TTC29: variants seen among roughly 807,000 people sequenced by gnomAD.
TTC29 encodes tetratricopeptide repeat protein 29.
TTC29 carries 49 observed loss-of-function variants against 58.1 expected under a neutral mutation model. The ratio of observed to expected loss-of-function variants is 0.84; its 90% confidence interval spans 0.67 to 1.07. The LOEUF (loss-of-function observed/expected upper bound fraction) is 1.07, where lower values mean the gene tolerates loss of function less well. TTC29 is among the 50% of genes least tolerant of loss of function. The probability of loss-of-function intolerance (pLI) is 0.00; values close to 1 mark genes in which losing one functional copy is unlikely to be tolerated. For missense variants in TTC29, 582 were observed against 555.6 expected, an observed-to-expected ratio of 1.05 and a Z score of -0.48; for synonymous variants, 209 against 196.8, an observed-to-expected ratio of 1.06 and a Z score of -0.52.
intron 6 of TTC29, among the ~76,000 whole-genome samples, chr4:146,889,024 A>G (rs1293034631): frequency 6.6e-6 from 1 of 152,218 alleles, no homozygotes; most frequent in South Asian, 2.1e-4. Context: ...GTGATGCTCA[A>G]ATGTCATTTT....
rs1283192665 is a variant in TTC29 at position 146,903,716 on chromosome 4, A to G, written c.414T>C (p.Asp138=). Residue 138 remains aspartate, a synonymous_variant, in exon 6 of 13, where the codon GAT becomes GAC. Coordinates refer to ENST00000325106, the MANE Select transcript of TTC29 (RefSeq NM_031956.4). ...CCAGAGCATACAAGTTATTATGTACATCTTCGAAGGATTCTTCAAAGAGAG... is the reference window on the plus strand; with the variant it reads ...CCAGAGCATACAAGTTATTATGTACGTCTTCGAAGGATTCTTCAAAGAGAG... ...EDAERKESFE[D]VHNNLYALAC... is the part of the protein sequence containing the mutation. 1 of 1,577,694 alleles carries G rather than the reference A, an allele frequency of 6.3e-7. No homozygotes were observed. Among genetic ancestry groups the G allele is most frequent in the Non-Finnish European group, 8.6e-7 (1 of 1,163,348 alleles).
At chr4:146,771,742 G>A (rs552942190) in intron 11 of TTC29, among the ~76,000 whole-genome samples, 7 of 152,074 alleles carry the variant, frequency 4.6e-5, no homozygotes, top group Non-Finnish European at 8.8e-5. Context: ...GTGTCTTTAC[G>A]TAGAACAATT....
intron 6 of TTC29, among the ~76,000 whole-genome samples, chr4:146,893,372 T>C (rs1424566570): frequency 6.6e-6 from 1 of 152,038 alleles, no homozygotes; most frequent in Non-Finnish European, 1.5e-5. Flanking sequence ...TCAAAAATAA[T>C]GCCATGTATC....
At chr4:146,806,633 G>A (rs1298599513) in intron 10 of TTC29, among the ~76,000 whole-genome samples, 5 of 148,198 alleles carry the variant, frequency 3.4e-5, no homozygotes, top group African/African-American at 5.0e-5. Context: ...AAAAAAAAAA[G>A]ACAAAGAAGG....
intron 11 of TTC29, among the ~76,000 whole-genome samples, chr4:146,741,846 T>A (rs1042219114): frequency 6.6e-6 from 1 of 152,212 alleles, no homozygotes; most frequent in Non-Finnish European, 1.5e-5. Flanking sequence ...CATGGGAAGC[T>A]TCTCCTAAGT....
intron 11 of TTC29, among the ~76,000 whole-genome samples, chr4:146,770,996 C>T (rs1747684110): frequency 6.6e-6 from 1 of 152,030 alleles, no homozygotes; most frequent in African/African-American, 2.4e-5. Flanking sequence ...TCATTATTTT[C>T]TATTAGTTCT....
chr4:146,858,825 G>A (rs867241689), intron 8 of TTC29, among the ~76,000 whole-genome samples: 21 of 152,152 alleles, frequency 1.4e-4, no homozygotes, highest in Admixed American at 9.8e-4. Flanking sequence ...CACATGGTGA[G>A]GTGGTAGCAG....
chr4:146,756,077 A>G (rs1332024299), intron 11 of TTC29, among the ~76,000 whole-genome samples: 1 of 152,134 alleles, frequency 6.6e-6, no homozygotes, highest in Admixed American at 6.6e-5. Context: ...GATCGAGACC[A>G]TACTGGCTAA....
At chr4:146,934,439 T>C (rs751215922) in intron 4 of TTC29, 1 of 152,058 alleles carries the variant, frequency 6.6e-6, no homozygotes, top group Non-Finnish European at 1.5e-5. Context: ...AAGAGTCCAG[T>C]TTTGGGTTAT....
intron 6 of TTC29, among the ~76,000 whole-genome samples, chr4:146,882,935 G>GCT (rs147962759): frequency 0.069 from 10,337 of 150,150 alleles, 1,166 homozygotes; most frequent in African/African-American, 0.24. Context: ...ACTAGCTGCT[G>GCT]CTCTCTCTCT....
chr4:146,791,356 T>C (rs1053280652), intron 11 of TTC29, among the ~76,000 whole-genome samples: 7 of 152,178 alleles, frequency 4.6e-5, no homozygotes, highest in African/African-American at 1.7e-4. Flanking sequence ...AAACTTACTA[T>C]TAATATTATT....
intron 8 of TTC29, among the ~76,000 whole-genome samples, chr4:146,863,416 C>T (rs1256883894): frequency 6.6e-6 from 1 of 152,148 alleles, no homozygotes; most frequent in Non-Finnish European, 1.5e-5. Context: ...TAGGAAATCT[C>T]ATCCACTCCA....
At chr4:146,790,319 G>T (rs1450073716) in intron 11 of TTC29, among the ~76,000 whole-genome samples, 1 of 151,848 alleles carries the variant, frequency 6.6e-6, no homozygotes, top group Non-Finnish European at 1.5e-5. Flanking sequence ...CTCCTAAGTA[G>T]CTGGGACTAC....
chr4:146,858,775 C>T (rs1730040123), intron 8 of TTC29, among the ~76,000 whole-genome samples: 1 of 152,150 alleles, frequency 6.6e-6, no homozygotes, highest in African/African-American at 2.4e-5. Flanking sequence ...GAAGAGGAAA[C>T]TAATGTTCAG....
intron 11 of TTC29, among the ~76,000 whole-genome samples, chr4:146,717,336 C>T (rs542272726): frequency 5.3e-5 from 8 of 152,142 alleles, no homozygotes; most frequent in South Asian, 2.1e-4. Context: ...TGAAGTACAG[C>T]GGCACAATCT....
intron 6 of TTC29, among the ~76,000 whole-genome samples, chr4:146,888,081 A>G (rs1732109069): frequency 6.6e-6 from 1 of 152,150 alleles, no homozygotes; most frequent in African/African-American, 2.4e-5. Flanking sequence ...CCCACTCTGT[A>G]TGTGTTTAAT....
At position 146,707,553 on chromosome 4, in the gene TTC29, TA is replaced by T. The variant is rs199560439; in HGVS notation, c.1331-3del. On this transcript the variant is annotated splice_region_variant and splice_polypyrimidine_tract_variant and intron_variant, in intron 11 of 12. Transcript: ENST00000325106. ...CCACTGTGGATCCTCTAAACTCTTC[TA>T]AAAAAAAAATACACAAAGTTAATAG... The T allele has an allele frequency of 0.061, 81,939 of 1,339,090 alleles. 1,646 individuals are homozygous for T. The highest frequency in any genetic ancestry group is 0.069 in the Non-Finnish European group (68,905 of 993,612). 83.0% of individuals were successfully genotyped at this position (1,339,090 alleles called of 1,614,324 possible). A position where few individuals can be genotyped will look rare whatever the true frequency, so the allele number is the denominator to read the frequency against.
intron 10 of TTC29, among the ~76,000 whole-genome samples, chr4:146,817,557 T>C (rs1751497657): frequency 6.6e-6 from 1 of 152,208 alleles, no homozygotes. Flanking sequence ...ACCAATGACT[T>C]TCTTCACAGA....
chr4:146,922,025 AAAAAAG>A (rs1228628910), intron 4 of TTC29, among the ~76,000 whole-genome samples: 2 of 149,636 alleles, frequency 1.3e-5, no homozygotes, highest in African/African-American at 4.9e-5. Flanking sequence ...AAAAAAAAAA[AAAAAAG>A]AAAGAAAGAA....
Sources: gnomAD v4.1 joint callset for allele counts (sites outside exome capture counted in the v4.1 genomes callset) on GRCh38, gnomAD v4.1.1 for gene constraint, MANE v1.5 for transcripts, NCBI Gene and HGNC (gene_info 2026-07-23, HGNC 2026-07-21) for gene names.